Variants in INTS6 observed in about 807,000 individuals in gnomAD.
INTS6 encodes the protein DEAD box protein.
A neutral mutation model predicts 104.9 loss-of-function variants in INTS6; 16 were observed. The ratio of observed to expected loss-of-function variants is 0.15; its 90% CI spans 0.10 to 0.23. The LOEUF (loss-of-function observed/expected upper bound fraction) is 0.23, where lower values mean the gene tolerates loss of function less well. Among genes scored for constraint, INTS6 ranks in the 10% least tolerant of loss-of-function variants. The pLI, the probability that INTS6 is intolerant of heterozygous loss-of-function variation, is 1.00. For synonymous variants in INTS6, 324 were observed against 358.7 expected (o/e 0.90, Z 1.09); for missense variants, 584 against 1,062.8 (o/e 0.55, Z 6.26).
chr13:51,349,498 G>A (rs529497703), downstream of INTS6, among the ~76,000 whole-genome samples: 3 of 152,306 alleles, frequency 2.0e-5, no homozygotes, highest in Non-Finnish European at 2.9e-5. Context: ...TTATATTTGA[G>A]AGAAACTCAG....
intron 2 of INTS6, 155 bp from the exon 3 acceptor site, chr13:51,451,329 T>C: frequency 2.1e-6 from 1 of 469,902 alleles, no homozygotes; most frequent in Non-Finnish European, 3.5e-6. Context: ...GAAACTCTCT[T>C]CCAAAGGTGG....
intron 4 of INTS6, among the ~76,000 whole-genome samples, chr13:51,424,050 A>G (rs943782385): frequency 1.3e-5 from 2 of 152,078 alleles, no homozygotes; most frequent in African/African-American, 4.8e-5. Flanking sequence ...CAGCCATTTC[A>G]AAGCTACTGT....
In INTS6 at chr13:51,378,311, C is replaced by T. The variant is rs777618022; in HGVS notation, c.1530G>A (p.Glu510=). 1 of 1,613,510 alleles carries T rather than the reference C, an allele frequency of 6.2e-7. No individual in the cohort carries two copies. Among genetic ancestry groups the T allele is most frequent in the Non-Finnish European group, 8.5e-7 (1 of 1,179,532 alleles). The change falls in exon 12 of 18, where the codon GAG becomes GAA. Residue 510 remains glutamate, a synonymous_variant. Coordinates refer to ENST00000311234, the MANE Select transcript of INTS6 (RefSeq NM_012141.3). ...GGTCTAGCAGTCTGTGAGGGACATC[C>T]TCTGAAATTCCCTGGAGGAGTTGTT... The part of the protein sequence containing the change: ...DFQQLLQGIS[E]DVPHRLLDLN...
At chr13:51,450,786 C>T (rs1266247629) in intron 3 of INTS6, 66 of 1,138,068 alleles carry the variant, frequency 5.8e-5, no homozygotes, top group Non-Finnish European at 7.0e-5. Context: ...TGTATGTCAA[C>T]TTTATAGCAA....
intron 10 of INTS6, 148 bp from the exon 11 acceptor site, chr13:51,379,720 TA>T (rs1956008461): frequency 2.2e-6 from 1 of 446,146 alleles, no homozygotes. Flanking sequence ...TATGTTTCAG[TA>T]AAATGTTTGT....
chr13:51,435,717 TGGA>T (rs1351273069), intron 3 of INTS6, among the ~76,000 whole-genome samples: 1 of 152,068 alleles, frequency 6.6e-6, no homozygotes, highest in Admixed American at 6.5e-5. Flanking sequence ...GAAAATGTAG[TGGA>T]GGAGGGGCAT....
intron 4 of INTS6, among the ~76,000 whole-genome samples, chr13:51,425,281 G>A (rs1208794314): frequency 1.3e-5 from 2 of 152,012 alleles, no homozygotes; most frequent in African/African-American, 2.4e-5. Context: ...ATACACAGCT[G>A]AGACTACTCA....
intron 4 of INTS6, chr13:51,423,157 G>T: frequency 1.6e-6 from 1 of 641,920 alleles, no homozygotes; most frequent in Non-Finnish European, 2.2e-6. Flanking sequence ...CACAGCCAAA[G>T]TAACTATGTA....
chr13:51,357,351 G>A (rs535043330), downstream of INTS6, among the ~76,000 whole-genome samples: 3 of 152,214 alleles, frequency 2.0e-5, no homozygotes, highest in Middle Eastern at 3.4e-3. Flanking sequence ...CTTAATTGTA[G>A]AAACAAAATC....
chr13:51,399,858 T>C (rs1392432163), intron 4 of INTS6, among the ~76,000 whole-genome samples: 1 of 152,216 alleles, frequency 6.6e-6, no homozygotes, highest in East Asian at 1.9e-4. Flanking sequence ...TTCTGCTTAT[T>C]ATTTTTAATT....
At chr13:51,404,586 A>C (rs1956523102) in intron 4 of INTS6, among the ~76,000 whole-genome samples, 1 of 152,234 alleles carries the variant, frequency 6.6e-6, no homozygotes, top group South Asian at 2.1e-4. Context: ...AGCTCAATGT[A>C]TAAGATGTAT....
chr13:51,406,294 A>AC (rs978216366), intron 4 of INTS6, among the ~76,000 whole-genome samples: 5 of 151,788 alleles, frequency 3.3e-5, no homozygotes, highest in Admixed American at 6.6e-5. Flanking sequence ...CTCATGACAC[A>AC]CCCCCCTGAA....
chr13:51,351,320 C>G (rs1680115117), downstream of INTS6, among the ~76,000 whole-genome samples: 1 of 151,990 alleles, frequency 6.6e-6, no homozygotes, highest in Admixed American at 6.6e-5. Flanking sequence ...TGTTAATGAC[C>G]ATCTTTTTAT....
In INTS6 at chr13:51,363,761, G is replaced by A. The variant is rs1264553769; in HGVS notation, c.*1991C>T. On this transcript the variant is annotated 3_prime_UTR_variant, in exon 18 of 18. Coordinates refer to ENST00000311234, the MANE Select transcript of INTS6 (RefSeq NM_012141.3). ...GATAGGTTTCAAACCCTCCTGACCA[G>A]GTTTTAGGATGAGGTGAGAACAGTG... is the stretch of plus-strand genomic sequence containing the variant. 1 of 151,776 alleles carries A rather than the reference G, an allele frequency of 6.6e-6. No individual in the cohort carries two copies. The highest frequency in any genetic ancestry group is 2.4e-5 in the African/African-American group (1 of 41,316). The allele number at this position is 151,776 out of a possible 1,614,324, so 9.4% of individuals were successfully genotyped here.
chr13:51,416,510 AC>A (rs1229887361), intron 4 of INTS6, among the ~76,000 whole-genome samples: 15 of 152,176 alleles, frequency 9.9e-5, no homozygotes, highest in African/African-American at 3.6e-4. Context: ...TCTGGCTTTC[AC>A]TTAGTTTTCA....
chr13:51,389,668 C>T (rs1956209578), intron 5 of INTS6, among the ~76,000 whole-genome samples: 5 of 152,100 alleles, frequency 3.3e-5, no homozygotes, highest in South Asian at 2.1e-4. Flanking sequence ...AGAGTATGTA[C>T]ATTTTTTCTT....
rs766180748 is a variant in INTS6 at position 51,389,484 on chromosome 13, T to C, written c.614-40A>G. ...AAGAAGAAGAAGAAGAAGAAGAATA[T>C]AGTAAACTAGTTAGTTGCAAGAATT... is the stretch of plus-strand genomic sequence containing the variant. On this transcript the variant is annotated intron_variant, in intron 5 of 17. Coordinates refer to ENST00000311234, the MANE Select transcript of INTS6 (RefSeq NM_012141.3). 10 of 1,508,534 alleles carry C rather than the reference T, an allele frequency of 6.6e-6. No individual in the cohort carries two copies. The South Asian group carries it at 1.0e-4, about 16-fold the overall frequency. 93.4% of individuals were successfully genotyped at this position (1,508,534 alleles called of 1,614,324 possible). A position where few individuals can be genotyped will look rare whatever the true frequency, so the allele number is the denominator to read the frequency against.
At chr13:51,344,205 T>C in the INTS6 span, 1 of 1,412,312 alleles carries the variant, frequency 7.1e-7, no homozygotes, top group Non-Finnish European at 1.0e-6. Flanking sequence ...TGCTAACTCC[T>C]TACTCACACT....
chr13:51,448,054 G>A (rs1288722347), intron 3 of INTS6: 7 of 152,066 alleles, frequency 4.6e-5, no homozygotes, highest in African/African-American at 1.7e-4. Flanking sequence ...GAGAAACTCT[G>A]TCTCAAAAAA....
Sources: gnomAD v4.1 joint callset for allele counts (sites outside exome capture counted in the v4.1 genomes callset) on GRCh38, gnomAD v4.1.1 for gene constraint, MANE v1.5 for transcripts, NCBI Gene and HGNC (gene_info 2026-07-23, HGNC 2026-07-21) for gene names.